The following FCRLA variants were observed in gnomAD, a reference collection of about 807,000 sequenced individuals.
FCRLA encodes the protein Fc receptor-like A.
A neutral mutation model predicts 28.4 loss-of-function variants in FCRLA; 26 were observed. The ratio of observed to expected loss-of-function variants is 0.91; its 90% CI spans 0.67 to 1.27. The LOEUF is 1.27. Ranked by LOEUF, FCRLA falls within the 50% of genes most tolerant of loss-of-function variation. The pLI is 0.00. For synonymous variants in FCRLA, 174 were observed against 168.5 expected (o/e 1.03, Z -0.25); for missense variants, 422 against 433.1 (o/e 0.97, Z 0.23).
In FCRLA at chr1:161,710,752, C is replaced by T; in HGVS notation, c.80-8C>T. ...TTTCTGGTTCTCCCTGGGCCATGCC[C>T]TCTTCAGCTGCCAGTTTTGAGACGC... On this transcript the variant is annotated splice_polypyrimidine_tract_variant and splice_region_variant and intron_variant, in intron 1 of 4. Coordinates refer to ENST00000236938, the MANE Select transcript of FCRLA (RefSeq NM_032738.4). 6.2e-7 allele frequency: 1 copy of T among 1,614,188 alleles called. No homozygotes were observed. The highest frequency in any genetic ancestry group is 8.5e-7 in the Non-Finnish European group (1 of 1,180,026).
chr1:161,708,663 A>G (rs760863231), intron 1 of FCRLA, among the ~76,000 whole-genome samples: 1 of 152,036 alleles, frequency 6.6e-6, no homozygotes, highest in African/African-American at 2.4e-5. Flanking sequence ...TGCTTATACC[A>G]CTATCTCTAC....
At chr1:161,712,281 G>A in intron 4 of FCRLA, 63 bp downstream of exon 4, 1 of 1,551,204 alleles carries the variant, frequency 6.4e-7, no homozygotes, top group South Asian at 1.2e-5. Context: ...AGGAGGGATA[G>A]GATAAATTGA....
At chr1:161,710,982 G>A in intron 2 of FCRLA, 70 bp downstream of exon 2, 1 of 1,589,032 alleles carries the variant, frequency 6.3e-7, no homozygotes, top group Non-Finnish European at 8.6e-7. Flanking sequence ...ACCCAGGAAA[G>A]TGTCCCTAGG....
intron 1 of FCRLA, among the ~76,000 whole-genome samples, chr1:161,707,830 C>A (rs1682896316): frequency 1.3e-5 from 2 of 152,144 alleles, no homozygotes; most frequent in South Asian, 4.1e-4. Flanking sequence ...TCTCTACTAC[C>A]CTGGCTTCCA....
chr1:161,708,172 C>T (rs1037102520), intron 1 of FCRLA, among the ~76,000 whole-genome samples: 1 of 152,104 alleles, frequency 6.6e-6, no homozygotes, highest in African/African-American at 2.4e-5. Context: ...TCCTTTTGGC[C>T]CCTGCCTCAT....
chr1:161,711,073 G>A, intron 2 of FCRLA, 135 bp from the exon 3 acceptor site: 3 of 1,436,872 alleles, frequency 2.1e-6, no homozygotes, highest in East Asian at 2.3e-5. Context: ...AGGCCCTAGG[G>A]AAGTTGTCCC....
In FCRLA at chr1:161,711,363, A is replaced by C; in HGVS notation, c.388A>C (p.Ile130Leu). 6.2e-7 allele frequency: 1 copy of C among 1,614,168 alleles called. No homozygotes were observed. Among genetic ancestry groups the C allele is most frequent in the South Asian group, 1.1e-5 (1 of 91,084 alleles). Reference sequence around the variant, plus strand: ...CCCCGGGCCTAACAGGGAATTCTCCATCACCGTGGTACAAAAGGCAGACAG... The same window carrying C: ...CCCCGGGCCTAACAGGGAATTCTCCCTCACCGTGGTACAAAAGGCAGACAG... ...GPPGPNREFSITVVQKADSGH... is the reference protein window; with the variant it reads ...GPPGPNREFSLTVVQKADSGH... Residue 130 changes from isoleucine (I) to leucine (L), a missense_variant, in exon 3 of 5, where the codon ATC (isoleucine) becomes CTC (leucine). Ile to Leu is a conservative substitution (Grantham distance 5, BLOSUM62 2). Transcript: ENST00000236938.
At chr1:161,708,797 C>T (rs1682957385) in intron 1 of FCRLA, among the ~76,000 whole-genome samples, 1 of 152,206 alleles carries the variant, frequency 6.6e-6, no homozygotes. Context: ...TCTTTCTGCT[C>T]CAATGGCTGC....
intron 4 of FCRLA, among the ~76,000 whole-genome samples, 192 bp downstream of exon 4, chr1:161,712,410 G>A (rs1683149981): frequency 1.3e-5 from 2 of 152,188 alleles, no homozygotes; most frequent in African/African-American, 2.4e-5. Context: ...CCCTCAGACT[G>A]TGGTGCACAC....
Position 161,712,118 on chromosome 1 carries a change from C to T in FCRLA, c.684C>T (p.Pro228=). ...GGCTCTCCTCAGAATTCCAGATCCC[C>T]ACAGCTTCAGAAGATCACTCCGGGT... ...SRGLSSEFQI[P]TASEDHSGSY... Residue 228 remains proline, a synonymous_variant, in exon 4 of 5, where the codon CCC becomes CCT. Coordinates refer to ENST00000236938, the MANE Select transcript of FCRLA (RefSeq NM_032738.4). 1.2e-6 allele frequency: 2 copies of T among 1,614,200 alleles called. No homozygotes were observed. The highest frequency in any genetic ancestry group is 1.1e-5 in the South Asian group (1 of 91,084).
rs763531432 is a variant in FCRLA, at chr1:161,711,336, C to A, written c.361C>A (p.Pro121Thr). 1 of 1,614,184 alleles carries A rather than the reference C, an allele frequency of 6.2e-7. No individual in the cohort carries two copies. Among genetic ancestry groups the A allele is most frequent in the Non-Finnish European group, 8.5e-7 (1 of 1,180,026 alleles). Reference protein sequence around the residue: ...TFYRDGSALGPPGPNREFSIT... With the variant: ...TFYRDGSALGTPGPNREFSIT... ...CTACCGAGATGGCTCAGCTCTGGGT[C>A]CCCCCGGGCCTAACAGGGAATTCTC... Residue 121 changes from proline (P) to threonine (T), a missense_variant, in exon 3 of 5, where the codon CCC becomes ACC. Physicochemically the swap from Pro to Thr is conservative, Grantham distance 38. This residue lies in a region of FCRLA where 231 missense variants were observed against 214.6 expected (regional missense o/e 1.08). Transcript: ENST00000236938.
rs1372609598 is a variant in FCRLA, at chr1:161,711,780, G to A, written c.500-154G>A. On this transcript the variant is annotated intron_variant, in intron 3 of 4. Transcript: ENST00000236938. Reference sequence around the variant, plus strand: ...TCTTTCCTAGTCCTGTCTACTTACAGAAAGAACTTGACAGATTCAAATGGA... The same window carrying A: ...TCTTTCCTAGTCCTGTCTACTTACAAAAAGAACTTGACAGATTCAAATGGA... 7 of 1,000,636 alleles carry A rather than the reference G, an allele frequency of 7.0e-6. No individual in the cohort carries two copies. In the African/African-American group the frequency reaches 8.1e-5, roughly 12 times the overall value. 62.0% of individuals were successfully genotyped at this position (1,000,636 alleles called of 1,614,324 possible). A position where few individuals can be genotyped will look rare whatever the true frequency, so the allele number is the denominator to read the frequency against.
intron 2 of FCRLA, 24 bp downstream of exon 2, chr1:161,710,936 C>G (rs1683069694): frequency 6.2e-7 from 1 of 1,611,160 alleles, no homozygotes; most frequent in African/African-American, 1.3e-5. Context: ...AAGGCCTGAG[C>G]AGTGCCCCAA....
At chr1:161,710,673 A>T in intron 1 of FCRLA, 87 bp from the exon 2 acceptor site, 2 of 1,556,930 alleles carry the variant, frequency 1.3e-6, no homozygotes, top group Non-Finnish European at 8.8e-7. Flanking sequence ...AAAAAGGATG[A>T]TTATCCTGGG....
chr1:161,713,614 T>C lies in FCRLA; in HGVS notation c.*234T>C. Reference sequence around the variant, plus strand: ...GAATTCTGCTGTCTAGATCAGGAATTTCTATCTGTTATATCGACCAGAATG... The same window carrying C: ...GAATTCTGCTGTCTAGATCAGGAATCTCTATCTGTTATATCGACCAGAATG... On this transcript the variant is annotated 3_prime_UTR_variant, in exon 5 of 5. Transcript: ENST00000236938. The C allele has an allele frequency of 6.7e-6, 3 of 445,594 alleles. No individual in the cohort carries two copies. In the South Asian group the frequency reaches 9.8e-5, roughly 15 times the overall value. 27.6% of individuals were successfully genotyped at this position (445,594 alleles called of 1,614,324 possible). A position where few individuals can be genotyped will look rare whatever the true frequency, so the allele number is the denominator to read the frequency against.
chr1:161,713,737 C>T lies in FCRLA; in HGVS notation c.*357C>T. On this transcript the variant is annotated 3_prime_UTR_variant, in exon 5 of 5. Transcript: ENST00000236938. ...GAGGACATTGGGCAATGTTTGGAGACATTTTGGTCATTATACTTGGGGGGT... is the reference window on the plus strand; with the variant it reads ...GAGGACATTGGGCAATGTTTGGAGATATTTTGGTCATTATACTTGGGGGGT... 5.7e-6 allele frequency: 1 copy of T among 176,458 alleles called. No homozygotes were observed. The highest frequency in any genetic ancestry group is 1.2e-5 in the Non-Finnish European group (1 of 84,044). 10.9% of individuals were successfully genotyped at this position (176,458 alleles called of 1,614,324 possible). A position where few individuals can be genotyped will look rare whatever the true frequency, so the allele number is the denominator to read the frequency against.
In FCRLA at chr1:161,713,180, C is replaced by G. The variant is rs1366600527; in HGVS notation, c.880C>G (p.Pro294Ala). Reference protein sequence around the residue: ...TAPEEAPGPLPPPPTPSSEDP... With the variant: ...TAPEEAPGPLAPPPTPSSEDP... ...TCCTGAGGAGGCCCCTGGGCCTCTGCCTCCGCCGCCAACCCCATCTTCTGA... is the reference window on the plus strand; with the variant it reads ...TCCTGAGGAGGCCCCTGGGCCTCTGGCTCCGCCGCCAACCCCATCTTCTGA... Residue 294 changes from proline (P) to alanine (A), a missense_variant, in exon 5 of 5, where the codon CCT (proline) becomes GCT (alanine). Pro to Ala is a conservative substitution (Grantham distance 27). Coordinates refer to ENST00000236938, the MANE Select transcript of FCRLA (RefSeq NM_032738.4). The G allele has an allele frequency of 6.2e-7, 1 of 1,614,232 alleles. No homozygotes were observed.
intron 1 of FCRLA, among the ~76,000 whole-genome samples, chr1:161,708,929 T>G (rs1486054987): frequency 1.3e-5 from 2 of 152,256 alleles, no homozygotes. Context: ...TTTTTGTTTT[T>G]GTCTTGTGAT....
At position 161,712,227 on chromosome 1, in the gene FCRLA, G is replaced by C; in HGVS notation, c.784+9G>C. The C allele has an allele frequency of 6.2e-7, 1 of 1,604,714 alleles. No homozygotes were observed. Among genetic ancestry groups the C allele is most frequent in the Non-Finnish European group, 8.5e-7 (1 of 1,174,506 alleles). On this transcript the variant is annotated intron_variant, in intron 4 of 4. Coordinates refer to ENST00000236938, the MANE Select transcript of FCRLA (RefSeq NM_032738.4). ...AGAGATCAGAGTGCAGGGTGAGTTC[G>C]CATCAGAGTGCAGGTTGTCTGTTTG...
Sources: allele counts gnomAD v4.1 joint callset (sites outside exome capture counted in the v4.1 genomes callset), GRCh38; gene constraint gnomAD v4.1.1; regional missense constraint gnomAD v4.1.1; transcripts MANE v1.5; gene names NCBI Gene and HGNC (gene_info 2026-07-23, HGNC 2026-07-21).